Variants in LIMK2 observed in about 807,000 individuals in gnomAD.
LIMK2 encodes LIM domain kinase 2.
LIMK2 carries 35 observed loss-of-function variants against 75.7 expected under a neutral mutation model. The observed-to-expected ratio is 0.46, with a 90% CI of 0.35 to 0.61. LIMK2 has a LOEUF of 0.61. Among genes scored for constraint, LIMK2 ranks in the 20% least tolerant of loss-of-function variants. The probability of loss-of-function intolerance (pLI) is 0.00; values close to 1 mark genes in which losing one functional copy is unlikely to be tolerated. For synonymous variants in LIMK2, 301 were observed against 319.2 expected (o/e 0.94, Z 0.61); for missense variants, 623 against 831.0 (o/e 0.75, Z 3.08).
At chr22:31,274,731 T>C (rs2048995831) in intron 14 of LIMK2, among the ~76,000 whole-genome samples, 1 of 152,208 alleles carries the variant, frequency 6.6e-6, no homozygotes, top group African/African-American at 2.4e-5. Context: ...AAAAATTGTT[T>C]TCTTTAATAT....
At chr22:31,248,378 T>G in intron 2 of LIMK2, 3 of 1,316,462 alleles carry the variant, frequency 2.3e-6, no homozygotes, top group Non-Finnish European at 3.0e-6. Context: ...CAGCGCTTCT[T>G]TCTTAGCTAG....
chr22:31,267,744 C>T (rs1490018547), intron 9 of LIMK2, 32 bp from the exon 10 acceptor site: 4 of 1,567,192 alleles, frequency 2.6e-6, no homozygotes, highest in African/African-American at 1.4e-5. Context: ...AGAAGTTAAC[C>T]ACCAGCTTTC....
chr22:31,279,740 TGTGTG>T lies in LIMK2; in HGVS notation c.*1303_*1307del, dbSNP rs2049067635. ...GAATGGGTTTGGGGTATTAATGCAA[TGTGTG>T]GTGGTTGTATTGGAGCAGGGGGAAT... On this transcript the variant is annotated 3_prime_UTR_variant, in exon 16 of 16. Coordinates refer to ENST00000331728, the MANE Select transcript of LIMK2 (RefSeq NM_005569.4). The T allele has an allele frequency of 2.0e-5, 3 of 152,208 alleles. No individual in the cohort carries two copies. The highest frequency in any genetic ancestry group is 4.4e-5 in the Non-Finnish European group (3 of 68,054). The allele number at this position is 152,208 out of a possible 1,614,324, so 9.4% of individuals were successfully genotyped here.
intron 9 of LIMK2, among the ~76,000 whole-genome samples, chr22:31,267,401 C>T (rs1371945696): frequency 6.6e-6 from 1 of 152,188 alleles, no homozygotes; most frequent in African/African-American, 2.4e-5. Flanking sequence ...GAACGCCCTG[C>T]TAAGGGAGCC....
At chr22:31,264,318 G>C (rs922216419) in intron 7 of LIMK2, among the ~76,000 whole-genome samples, 12 of 152,178 alleles carry the variant, frequency 7.9e-5, no homozygotes, top group Admixed American at 7.2e-4. Context: ...AAAAGGACAA[G>C]GGTAAGTAAA....
chr22:31,223,129 G>T (rs535092190), intron 1 of LIMK2, among the ~76,000 whole-genome samples: 1 of 152,192 alleles, frequency 6.6e-6, no homozygotes, highest in African/African-American at 2.4e-5. Context: ...TAGGGCTGGG[G>T]TGAAGGACAG....
chr22:31,240,877 CATTT>C (rs1020353886), intron 2 of LIMK2, among the ~76,000 whole-genome samples: 1 of 152,172 alleles, frequency 6.6e-6, no homozygotes, highest in Non-Finnish European at 1.5e-5. Context: ...AATCACCAAA[CATTT>C]ATTTATTAAG....
At chr22:31,269,965 CAGGAGG>C (rs1026806214) in intron 11 of LIMK2, among the ~76,000 whole-genome samples, 9 of 150,240 alleles carry the variant, frequency 6.0e-5, no homozygotes, top group South Asian at 2.1e-4. Flanking sequence ...AATGAGGGAA[CAGGAGG>C]AGGAGGAGGA....
intron 2 of LIMK2, chr22:31,248,830 T>G: frequency 2.2e-5 from 34 of 1,562,670 alleles, no homozygotes; most frequent in Non-Finnish European, 3.0e-5. Context: ...GAGAGGAGGG[T>G]GGTCTCCCTA....
At chr22:31,244,000 C>T (rs1344741698) in intron 2 of LIMK2, among the ~76,000 whole-genome samples, 4 of 152,218 alleles carry the variant, frequency 2.6e-5, no homozygotes, top group Non-Finnish European at 4.4e-5. Context: ...GGAGGGGCTT[C>T]TGCTTCAACT....
intron 9 of LIMK2, among the ~76,000 whole-genome samples, chr22:31,267,456 G>A (rs776316639): frequency 6.6e-5 from 10 of 152,160 alleles, no homozygotes; most frequent in Admixed American, 2.0e-4. Context: ...GGCATTTACA[G>A]TTTTCACTAC....
chr22:31,217,902 C>T (rs1458153025), intron 1 of LIMK2, among the ~76,000 whole-genome samples: 1 of 152,224 alleles, frequency 6.6e-6, no homozygotes, highest in Non-Finnish European at 1.5e-5. Context: ...CCATGTCCTT[C>T]ACACCCCATG....
At chr22:31,249,694 T>C (rs2048706590) in intron 2 of LIMK2, among the ~76,000 whole-genome samples, 1 of 152,088 alleles carries the variant, frequency 6.6e-6, no homozygotes. Context: ...CCTTCTGGCT[T>C]CTCTAAGCTA....
At chr22:31,219,858 C>T (rs1015093186) in intron 1 of LIMK2, among the ~76,000 whole-genome samples, 9 of 152,340 alleles carry the variant, frequency 5.9e-5, no homozygotes, top group South Asian at 2.1e-4. Flanking sequence ...AGGCGTGAGC[C>T]ACCACGCCCG....
At chr22:31,247,795 T>A (rs933454987) in intron 2 of LIMK2, among the ~76,000 whole-genome samples, 4 of 152,178 alleles carry the variant, frequency 2.6e-5, no homozygotes, top group African/African-American at 4.8e-5. Context: ...TGGAGACACA[T>A]CAGGTGTAGG....
At chr22:31,264,046 G>A (rs2048867360) in intron 7 of LIMK2, among the ~76,000 whole-genome samples, 1 of 152,122 alleles carries the variant, frequency 6.6e-6, no homozygotes, top group African/African-American at 2.4e-5. Flanking sequence ...AACTGAGTAA[G>A]TTAGAGCCCT....
chr22:31,246,707 C>T (rs1289306616), intron 2 of LIMK2, among the ~76,000 whole-genome samples: 1 of 148,790 alleles, frequency 6.7e-6, no homozygotes, highest in Middle Eastern at 3.3e-3. Context: ...TGTAGTGAGC[C>T]ATGATGGCAT....
In LIMK2 at chr22:31,254,276, G is replaced by T. The variant is rs138429972; in HGVS notation, c.117-4015G>T. Among the ~76,000 whole-genome samples the T allele has an allele frequency of 1.9e-3, 290 of 152,344 alleles. 1 individual carries two copies. The highest frequency in any genetic ancestry group is 3.9e-3 in the South Asian group (19 of 4,832). ...TGTTCTGGTGCTCCCATGCCCTGCG[G>T]CGCACATACCATTGCAAGGGCGTAA... On this transcript the variant is annotated intron_variant, in intron 2 of 15. Transcript: ENST00000331728.
At chr22:31,213,590 T>C (rs926986558) in intron 1 of LIMK2, among the ~76,000 whole-genome samples, 1 of 152,066 alleles carries the variant, frequency 6.6e-6, no homozygotes, top group Non-Finnish European at 1.5e-5. Context: ...TGGAGAGAGC[T>C]AGGGGTGGAA....
Sources: gnomAD v4.1 joint callset for allele counts (sites outside exome capture counted in the v4.1 genomes callset) on GRCh38, gnomAD v4.1.1 for gene constraint, MANE v1.5 for transcripts, NCBI Gene and HGNC (gene_info 2026-07-23, HGNC 2026-07-21) for gene names.